NPLOC4: variants seen among roughly 807,000 people sequenced by gnomAD.
NPLOC4 encodes the protein nuclear protein localization protein 4 homolog.
In NPLOC4, 18 loss-of-function variants were observed where a neutral mutation model predicts 80.6. The observed-to-expected ratio is 0.22, with a 90% CI of 0.15 to 0.33. The LOEUF (loss-of-function observed/expected upper bound fraction) is 0.33. NPLOC4 is among the 10% of genes least tolerant of loss of function. NPLOC4 has a pLI of 1.00. For synonymous variants in NPLOC4, 313 were observed against 301.5 expected (o/e 1.04, Z -0.39); for missense variants, 540 against 786.1 (o/e 0.69, Z 3.74).
At chr17:81,623,988 A>C (rs978987971) in intron 2 of NPLOC4, among the ~76,000 whole-genome samples, 5 of 151,848 alleles carry the variant, frequency 3.3e-5, no homozygotes, top group Non-Finnish European at 7.4e-5. Flanking sequence ...ATGAACTAGA[A>C]AAGACAAGGT....
intron 1 of NPLOC4, among the ~76,000 whole-genome samples, chr17:81,632,837 T>C (rs1416634550): frequency 6.6e-6 from 1 of 152,148 alleles, no homozygotes; most frequent in Admixed American, 6.6e-5. Flanking sequence ...TTTCCTAAAA[T>C]AGGATAACCC....
intron 4 of NPLOC4, 191 bp downstream of exon 4, chr17:81,613,127 T>TAAAAAAAA (rs56233095): frequency 4.7e-6 from 2 of 425,900 alleles, no homozygotes; most frequent in Non-Finnish European, 7.8e-6. Flanking sequence ...GATAAAAAGC[T>TAAAAAAAA]AAAAAAAAAA....
At chr17:81,614,104 G>T (rs927644965) in intron 3 of NPLOC4, among the ~76,000 whole-genome samples, 1 of 151,576 alleles carries the variant, frequency 6.6e-6, no homozygotes, top group Non-Finnish European at 1.5e-5. Context: ...GTGAAATCTC[G>T]TCTCTATTAA....
intron 16 of NPLOC4, chr17:81,564,119 A>ACACACACAC (rs1568114636): frequency 1.2e-5 from 2 of 164,592 alleles, no homozygotes; most frequent in Non-Finnish European, 2.6e-5. Context: ...CACACACACA[A>ACACACACAC]AGAGCAGGGC....
chr17:81,613,600 C>G, intron 3 of NPLOC4, 106 bp from the exon 4 acceptor site: 1 of 967,288 alleles, frequency 1.0e-6, no homozygotes, highest in Non-Finnish European at 1.5e-6. Context: ...CCCCTGTAGG[C>G]CTAAACAATG....
intron 3 of NPLOC4, among the ~76,000 whole-genome samples, chr17:81,617,849 T>C (rs943637742): frequency 5.9e-5 from 9 of 152,130 alleles, no homozygotes; most frequent in African/African-American, 1.2e-4. Flanking sequence ...TTGGTGGAGA[T>C]GGGGTTTCGC....
chr17:81,608,658 G>T, intron 6 of NPLOC4, 70 bp downstream of exon 6: 1 of 1,111,930 alleles, frequency 9.0e-7, no homozygotes, highest in Non-Finnish European at 1.3e-6. Flanking sequence ...ACGTTCACTG[G>T]CTATAAGCAA....
intron 11 of NPLOC4, among the ~76,000 whole-genome samples, chr17:81,595,279 CA>C (rs1275411504): frequency 6.6e-6 from 1 of 151,334 alleles, no homozygotes; most frequent in Non-Finnish European, 1.5e-5. Flanking sequence ...ACTAAAAATA[CA>C]AAAATTAGCC....
chr17:81,611,732 G>A (rs528949749), intron 4 of NPLOC4, among the ~76,000 whole-genome samples: 7 of 151,828 alleles, frequency 4.6e-5, no homozygotes, highest in East Asian at 2.0e-4. Context: ...AGGCCGAGGC[G>A]GGTGGATCAC....
intron 14 of NPLOC4, chr17:81,568,161 A>T (rs1299971313): frequency 1.3e-5 from 2 of 150,156 alleles, no homozygotes; most frequent in East Asian, 3.9e-4. Flanking sequence ...CCCGGTGGAG[A>T]GTGGGCTGCG....
At chr17:81,626,114 A>G (rs139000013) in intron 2 of NPLOC4, among the ~76,000 whole-genome samples, 3,919 of 149,708 alleles carry the variant, frequency 0.026, 169 homozygotes, top group African/African-American at 0.092. Flanking sequence ...GCGCCACTGC[A>G]CTCCAGCCCA....
chr17:81,559,147 T>G lies in NPLOC4; in HGVS notation c.*112A>C. On this transcript the variant is annotated 3_prime_UTR_variant, in exon 17 of 17. Coordinates refer to ENST00000331134, the MANE Select transcript of NPLOC4 (RefSeq NM_017921.4). ...GGAGCCCAGGACAGCCAGCCCCTTG[T>G]TCCTCCAGGGCTGCCCACTATGGGG... 1 of 1,240,768 alleles carries G rather than the reference T, an allele frequency of 8.1e-7. No individual in the cohort carries two copies. Among genetic ancestry groups the G allele is most frequent in the East Asian group, 2.6e-5 (1 of 38,316 alleles). The allele number at this position is 1,240,768 out of a possible 1,614,324, so 76.9% of individuals were successfully genotyped here. A position where few individuals can be genotyped will look rare whatever the true frequency, so the allele number is the denominator to read the frequency against.
At chr17:81,622,028 G>A (rs1365617460) in intron 3 of NPLOC4, 138 bp downstream of exon 3, 1 of 648,506 alleles carries the variant, frequency 1.5e-6, no homozygotes, top group East Asian at 2.6e-5. Flanking sequence ...AAGCAACACG[G>A]TCATGTGTAT....
At chr17:81,628,002 G>A (rs1312457982) in intron 2 of NPLOC4, among the ~76,000 whole-genome samples, 3 of 152,006 alleles carry the variant, frequency 2.0e-5, no homozygotes, top group Admixed American at 2.0e-4. Context: ...CACGAGGTCA[G>A]GAGATGAAGA....
chr17:81,631,675 C>T (rs1230006394), intron 1 of NPLOC4, among the ~76,000 whole-genome samples: 4 of 151,956 alleles, frequency 2.6e-5, no homozygotes, highest in Admixed American at 2.0e-4. Flanking sequence ...ATCCGCGGGA[C>T]GGGAAGGAAG....
rs1411689628 is a variant in NPLOC4 at position 81,572,041 on chromosome 17, C to A, written c.1329G>T (p.Leu443=). The change falls in exon 13 of 17, where the codon CTG becomes CTT. Residue 443 remains leucine (L), a synonymous_variant. Coordinates refer to ENST00000331134, the MANE Select transcript of NPLOC4 (RefSeq NM_017921.4). This position sits in a 1 kb window ranked among gnomAD's most constrained non-coding sequence, Gnocchi z 4.5. ...CGTCTATGATGAGATACTCCACAGG[C>A]AGGGGCCGGGCCAGCTGGGTGATCT... ...GNEITQLARP[L]PVEYLIIDIT... is the part of the protein sequence containing the mutation. 6.2e-7 allele frequency: 1 copy of A among 1,606,410 alleles called. No homozygotes were observed. The highest frequency in any genetic ancestry group is 8.5e-7 in the Non-Finnish European group (1 of 1,175,646).
intron 1 of NPLOC4, among the ~76,000 whole-genome samples, chr17:81,630,369 C>A (rs1010107688): frequency 3.9e-5 from 6 of 152,006 alleles, no homozygotes; most frequent in Non-Finnish European, 7.4e-5. Context: ...CTTACTGCAG[C>A]CTTGACATCC....
chr17:81,631,138 G>A (rs933292026), intron 1 of NPLOC4, among the ~76,000 whole-genome samples: 21 of 151,806 alleles, frequency 1.4e-4, no homozygotes, highest in African/African-American at 4.3e-4. Flanking sequence ...GTGCCATTGC[G>A]TGACGAAGAG....
At position 81,631,281 on chromosome 17, in the gene NPLOC4, ACACCT is replaced by A. The variant is rs2035918852; in HGVS notation, c.16-1481_16-1477del. On this transcript the variant is annotated intron_variant, in intron 1 of 16. Transcript: ENST00000331134. ...TATTTTCAGCTGGGCACAGTGGCTC[ACACCT>A]ATAATCTGTGCACTTCAGGAGACCA... Among the ~76,000 whole-genome samples, 4 of 151,870 alleles carry A rather than the reference ACACCT, an allele frequency of 2.6e-5. No individual in the cohort carries two copies. In the South Asian group the frequency reaches 6.2e-4, roughly 24 times the overall value.
Sources: gnomAD v4.1 joint callset for allele counts (sites outside exome capture counted in the v4.1 genomes callset) on GRCh38, gnomAD v4.1.1 for gene constraint, Gnocchi (gnomAD v3.1) non-coding constraint, MANE v1.5 for transcripts, NCBI Gene and HGNC (gene_info 2026-07-23, HGNC 2026-07-21) for gene names.